Variants in TRANK1 observed in about 807,000 individuals in gnomAD.
TRANK1 encodes tetratricopeptide repeat and ankyrin repeat containing 1.
TRANK1 carries 198 observed loss-of-function variants against 266.0 expected under a neutral mutation model. That is an observed-to-expected ratio of 0.74 (90% CI 0.66 to 0.84). TRANK1 has a LOEUF of 0.84. TRANK1 is among the 40% of genes least tolerant of loss of function. The pLI, the probability that TRANK1 is intolerant of heterozygous loss-of-function variation, is 0.00. For synonymous variants in TRANK1, 1,396 were observed against 1,384.1 expected, an observed-to-expected ratio of 1.01 and a Z score of -0.19; for missense variants, 3,326 against 3,634.6, an observed-to-expected ratio of 0.92 and a Z score of 2.18.
chr3:36,913,067 A>G (rs886344363), intron 1 of TRANK1, among the ~76,000 whole-genome samples: 4 of 102,536 alleles, frequency 3.9e-5, no homozygotes, highest in Admixed American at 3.0e-4. Context: ...TGTGTGATGG[A>G]GTCTCACTCT....
At chr3:36,940,220 G>A (rs1007181353) in intron 1 of TRANK1, among the ~76,000 whole-genome samples, 1 of 151,478 alleles carries the variant, frequency 6.6e-6, no homozygotes, top group South Asian at 2.1e-4. Context: ...CTCCTTGGCC[G>A]GGCGCAGTGG....
chr3:36,912,408 G>A (rs1298344480), intron 1 of TRANK1, among the ~76,000 whole-genome samples: 1 of 152,134 alleles, frequency 6.6e-6, no homozygotes, highest in Non-Finnish European at 1.5e-5. Context: ...AAAATCACTA[G>A]GGTATCTTAT....
intron 13 of TRANK1, 131 bp downstream of exon 13, chr3:36,855,042 A>T: frequency 2.6e-6 from 2 of 779,864 alleles, no homozygotes; most frequent in Non-Finnish European, 4.0e-6. Flanking sequence ...GAGCGTATTT[A>T]CTAACAAATT....
chr3:36,828,020 A>G lies in TRANK1; in HGVS notation c.*255T>C. The G allele has an allele frequency of 2.3e-6, 1 of 437,084 alleles. No individual in the cohort carries two copies. Among genetic ancestry groups the G allele is most frequent in the East Asian group, 4.4e-5 (1 of 22,944 alleles). The allele number at this position is 437,084 out of a possible 1,614,324, so 27.1% of individuals were successfully genotyped here. A position where few individuals can be genotyped will look rare whatever the true frequency, so the allele number is the denominator to read the frequency against. On this transcript the variant is annotated 3_prime_UTR_variant, in exon 24 of 24. Coordinates refer to ENST00000645898, the MANE Select transcript of TRANK1 (RefSeq NM_001329998.2). ...AGTCCCAACATTCCCTTCGACTACAACTTCTCTACCTGAATTTGTTTGTGG... is the reference window on the plus strand; with the variant it reads ...AGTCCCAACATTCCCTTCGACTACAGCTTCTCTACCTGAATTTGTTTGTGG...
intron 23 of TRANK1, 68 bp from the exon 24 acceptor site, chr3:36,828,443 A>G: frequency 1.8e-5 from 17 of 923,154 alleles, no homozygotes; most frequent in Middle Eastern, 3.1e-4. Context: ...GGAAAGAAGG[A>G]AGGAAGGAAG....
intron 9 of TRANK1, among the ~76,000 whole-genome samples, chr3:36,873,748 T>C (rs1383160590): frequency 6.6e-6 from 1 of 152,106 alleles, no homozygotes; most frequent in African/African-American, 2.4e-5. Flanking sequence ...AATAGAGATG[T>C]ACGTGTATTT....
At chr3:36,835,341 A>AC (rs1465085000) in intron 20 of TRANK1, among the ~76,000 whole-genome samples, 1 of 149,072 alleles carries the variant, frequency 6.7e-6, no homozygotes, top group Non-Finnish European at 1.5e-5. Flanking sequence ...AAAAAAAAAA[A>AC]AAAACCCTGT....
intron 1 of TRANK1, among the ~76,000 whole-genome samples, chr3:36,936,142 G>A (rs1454231237): frequency 1.3e-5 from 2 of 152,176 alleles, no homozygotes; most frequent in Non-Finnish European, 2.9e-5. Context: ...TGGAGGATCA[G>A]TAATTCCTAG....
chr3:36,893,628 A>C lies in TRANK1; in HGVS notation c.553-644T>G, dbSNP rs534766021. On this transcript the variant is annotated intron_variant, in intron 5 of 23. Coordinates refer to ENST00000645898, the MANE Select transcript of TRANK1 (RefSeq NM_001329998.2). The stretch of plus-strand genomic sequence containing the variant: ...GTTGTTAAACTACTGACCCTATCTA[A>C]AGTTGCTGAAGAGACTAAATCCCAG... Among the ~76,000 whole-genome samples the C allele has an allele frequency of 3.9e-5, 6 of 152,292 alleles. No individual in the cohort carries two copies. The East Asian group carries it at 1.2e-3, about 29-fold the overall frequency.
rs751694439 is a variant in TRANK1 at position 36,832,395 on chromosome 3, A to G, written c.7188T>C (p.Asp2396=). Residue 2396 remains aspartate, a synonymous_variant, in exon 22 of 24, where the codon GAT becomes GAC. Coordinates refer to ENST00000645898, the MANE Select transcript of TRANK1 (RefSeq NM_001329998.2). ...KFGMLAPNRD[D]ENMDKTHLCF... Reference sequence around the variant, plus strand: ...ACAGGTGGGTCTTGTCCATATTTTCATCATCCCTGTTGGGTGCCAGCATGC... The same window carrying G: ...ACAGGTGGGTCTTGTCCATATTTTCGTCATCCCTGTTGGGTGCCAGCATGC... The G allele has an allele frequency of 1.9e-6, 3 of 1,614,014 alleles. No individual in the cohort carries two copies. The highest frequency in any genetic ancestry group is 3.3e-5 in the Admixed American group (2 of 60,022).
chr3:36,908,582 T>C (rs1300351914), intron 1 of TRANK1, 128 bp from the exon 2 acceptor site: 1 of 1,230,748 alleles, frequency 8.1e-7, no homozygotes, highest in African/African-American at 1.6e-5. Flanking sequence ...AAAGGGCACA[T>C]CTTGGCAACA....
intron 12 of TRANK1, 137 bp downstream of exon 12, chr3:36,858,581 A>G: frequency 1.0e-6 from 1 of 990,956 alleles, no homozygotes; most frequent in Non-Finnish European, 1.4e-6. Context: ...GCCAGGTGAC[A>G]TGGGCAGGCC....
At chr3:36,913,320 G>T (rs1351462468) in intron 1 of TRANK1, among the ~76,000 whole-genome samples, 7 of 151,944 alleles carry the variant, frequency 4.6e-5, no homozygotes, top group African/African-American at 1.7e-4. Flanking sequence ...AAAGTGCTGG[G>T]ATTACAGGCT....
chr3:36,944,153 T>C (rs2080536925), intron 1 of TRANK1, among the ~76,000 whole-genome samples: 1 of 152,170 alleles, frequency 6.6e-6, no homozygotes, highest in African/African-American at 2.4e-5. Flanking sequence ...CAAGGGCTTC[T>C]AAGGGCTCCG....
intron 1 of TRANK1, among the ~76,000 whole-genome samples, chr3:36,917,166 CCA>C (rs143116048): frequency 1.3e-5 from 2 of 150,752 alleles, no homozygotes; most frequent in Non-Finnish European, 1.5e-5. Context: ...ACACTCACAC[CCA>C]CACACACACA....
At chr3:36,924,002 G>A (rs532504064) in intron 1 of TRANK1, among the ~76,000 whole-genome samples, 76 of 152,314 alleles carry the variant, frequency 5.0e-4, no homozygotes, top group African/African-American at 1.7e-3. Context: ...ATTCACACAC[G>A]TTTGGGGTAA....
In TRANK1 at chr3:36,903,202, C is replaced by T. The variant is rs547685503; in HGVS notation, c.229G>A (p.Glu77Lys). Residue 77 changes from glutamate (E) to lysine (K), a missense_variant, in exon 3 of 24, where the codon GAG becomes AAG. Physicochemically the swap from Glu to Lys is moderately conservative, Grantham distance 56. Coordinates refer to ENST00000645898, the MANE Select transcript of TRANK1 (RefSeq NM_001329998.2). ...NAFFSLGKWN[E>K]AFVAAKECLQ... ...CATTCCTTGGCAGCAACAAATGCCT[C>T]ATTCCACTTCCCAAGGCTGAAAAAT... 8.3e-5 allele frequency: 127 copies of T among 1,537,240 alleles called. No homozygotes were observed. The highest frequency in any genetic ancestry group is 1.1e-4 in the Non-Finnish European group (124 of 1,146,946).
In TRANK1 at chr3:36,899,133, C is replaced by A. The variant is rs2079838003; in HGVS notation, c.409G>T (p.Val137Phe). The change falls in exon 4 of 24, where the codon GTT becomes TTT. Residue 137 changes from valine to phenylalanine, a missense_variant. Coordinates refer to ENST00000645898, the MANE Select transcript of TRANK1 (RefSeq NM_001329998.2). ...CTGCTCATAGTGGTGAAGACTCCAACAAGGAAATCAGCAACCGGTGCCTGG... is the reference window on the plus strand; with the variant it reads ...CTGCTCATAGTGGTGAAGACTCCAAAAAGGAAATCAGCAACCGGTGCCTGG... ...QDQAPVADFL[V>F]GVFTTMSSDS... 2.0e-6 allele frequency: 3 copies of A among 1,537,286 alleles called. No individual in the cohort carries two copies. The highest frequency in any genetic ancestry group is 2.6e-6 in the Non-Finnish European group (3 of 1,146,924).
chr3:36,851,807 A>AGGG lies in TRANK1; in HGVS notation c.4798_4799insCCC (p.Glu1599_Leu1600insPro). On this transcript the variant is annotated inframe_insertion, in exon 15 of 24. Coordinates refer to ENST00000645898, the MANE Select transcript of TRANK1 (RefSeq NM_001329998.2). Reference sequence around the variant, plus strand: ...AATTGTTAGCACAAGTGCTAACCCCAGCTCTTCTGGAATTTTCTCCTTTGC... The same window carrying AGGG: ...AATTGTTAGCACAAGTGCTAACCCCAGGGGCTCTTCTGGAATTTTCTCCTTTGC... The AGGG allele has an allele frequency of 6.2e-7, 1 of 1,610,100 alleles. No individual in the cohort carries two copies. Among genetic ancestry groups the AGGG allele is most frequent in the Non-Finnish European group, 8.5e-7 (1 of 1,178,058 alleles).
Sources: gnomAD v4.1 joint callset for allele counts (sites outside exome capture counted in the v4.1 genomes callset) on GRCh38, gnomAD v4.1.1 for gene constraint, MANE v1.5 for transcripts, NCBI Gene and HGNC (gene_info 2026-07-23, HGNC 2026-07-21) for gene names.